Variants in C2CD5 observed in about 807,000 individuals in gnomAD.
C2CD5 encodes the protein C2 domain-containing protein 5.
In C2CD5, 109 loss-of-function variants were observed where a neutral mutation model predicts 130.3. The observed-to-expected ratio is 0.84, with a 90% CI of 0.72 to 0.98. C2CD5 has a LOEUF of 0.98. Among genes scored for constraint, C2CD5 ranks in the 50% least tolerant of loss-of-function variants. The pLI is 0.00. For missense variants in C2CD5, 996 were observed against 1,261.8 expected, an observed-to-expected ratio of 0.79 and a Z score of 3.19; for synonymous variants, 454 against 429.2, an observed-to-expected ratio of 1.06 and a Z score of -0.71.
intron 11 of C2CD5, among the ~76,000 whole-genome samples, chr12:22,492,013 G>C (rs1027343495): frequency 1.3e-5 from 2 of 152,086 alleles, no homozygotes; most frequent in South Asian, 2.1e-4. Flanking sequence ...AACAAGAGTA[G>C]AACCGCTACT....
At chr12:22,456,781 T>A (rs183194684) in intron 25 of C2CD5, among the ~76,000 whole-genome samples, 190 bp downstream of exon 25, 169 of 152,276 alleles carry the variant, frequency 1.1e-3, no homozygotes, top group Non-Finnish European at 2.1e-3. Context: ...ATAAATAGGT[T>A]TAAAACTAAC....
intron 3 of C2CD5, among the ~76,000 whole-genome samples, chr12:22,530,206 GTA>G (rs1240595639): frequency 7.4e-6 from 1 of 135,166 alleles, no homozygotes; most frequent in African/African-American, 2.8e-5. Flanking sequence ...TATATATACA[GTA>G]TATATATAAC....
At chr12:22,485,910 C>CG (rs1256910280) in intron 12 of C2CD5, among the ~76,000 whole-genome samples, 1 of 114,174 alleles carries the variant, frequency 8.8e-6, no homozygotes, top group African/African-American at 2.5e-5. Flanking sequence ...CTACATTCTC[C>CG]AAATTTTTTT....
At position 22,471,396 on chromosome 12, in the gene C2CD5, T is replaced by C. The variant is rs1370240056; in HGVS notation, c.2358+3A>G. 1 of 1,424,796 alleles carries C rather than the reference T, an allele frequency of 7.0e-7. No homozygotes were observed. The highest frequency in any genetic ancestry group is 9.9e-7 in the Non-Finnish European group (1 of 1,010,790). 88.3% of individuals were successfully genotyped at this position (1,424,796 alleles called of 1,614,324 possible). A position where few individuals can be genotyped will look rare whatever the true frequency, so the allele number is the denominator to read the frequency against. ...GACTAATAATGGACTAAATCTTAAT[T>C]ACCTGAATTAATTCATCTTCAGGCA... On this transcript the variant is annotated splice_donor_region_variant and intron_variant, in intron 20 of 26. Coordinates refer to ENST00000446597, the MANE Select transcript of C2CD5 (RefSeq NM_001286176.2).
At chr12:22,512,663 C>G (rs1398162345) in intron 9 of C2CD5, 1 of 1,499,542 alleles carries the variant, frequency 6.7e-7, no homozygotes, top group Non-Finnish European at 8.9e-7. Flanking sequence ...TCTACAGAAC[C>G]TATGAGGCGA....
intron 13 of C2CD5, among the ~76,000 whole-genome samples, chr12:22,484,020 A>C (rs115438950): frequency 9.3e-4 from 141 of 152,260 alleles, no homozygotes; most frequent in African/African-American, 3.2e-3. Flanking sequence ...CTAAGGAGAG[A>C]GCTTTGGGCA....
intron 22 of C2CD5, among the ~76,000 whole-genome samples, chr12:22,469,298 T>A (rs974494368): frequency 2.0e-5 from 3 of 151,994 alleles, no homozygotes; most frequent in Non-Finnish European, 4.4e-5. Context: ...TCTTCATGTA[T>A]CTTCTGGAAA....
chr12:22,543,984 G>A lies in C2CD5; in HGVS notation c.90+77C>T, dbSNP rs566391243. 2,872 of 1,117,124 alleles carry A rather than the reference G, an allele frequency of 2.6e-3. 4 individuals are homozygous for A. The highest frequency in any genetic ancestry group is 3.6e-3 in the Non-Finnish European group (2,667 of 736,032). 69.2% of individuals were successfully genotyped at this position (1,117,124 alleles called of 1,614,324 possible). A position where few individuals can be genotyped will look rare whatever the true frequency, so the allele number is the denominator to read the frequency against. ...CAGTCGAGGGGGGAATAGGCTGAGG[G>A]GCTGGGGGCGAGGTGGGTAGATCCT... On this transcript the variant is annotated intron_variant, in intron 2 of 26. Coordinates refer to ENST00000446597, the MANE Select transcript of C2CD5 (RefSeq NM_001286176.2).
chr12:22,473,256 T>C (rs999423371), intron 16 of C2CD5, among the ~76,000 whole-genome samples: 10 of 152,192 alleles, frequency 6.6e-5, no homozygotes, highest in Admixed American at 5.2e-4. Flanking sequence ...AATTCTATTC[T>C]TCTTACATCA....
At chr12:22,512,883 T>C (rs1015738814) in intron 9 of C2CD5, among the ~76,000 whole-genome samples, 1 of 151,988 alleles carries the variant, frequency 6.6e-6, no homozygotes, top group Non-Finnish European at 1.5e-5. Flanking sequence ...CCTAAGAGAT[T>C]GGTCAATGAT....
rs1224231942 is a variant in C2CD5 at position 22,484,362 on chromosome 12, G to T, written c.1550+335C>A. 8 of 186,568 alleles carry T rather than the reference G, an allele frequency of 4.3e-5. No individual in the cohort carries two copies. The South Asian group carries it at 5.8e-4, about 14-fold the overall frequency. The allele number at this position is 186,568 out of a possible 1,614,324, so 11.6% of individuals were successfully genotyped here. A position where few individuals can be genotyped will look rare whatever the true frequency, so the allele number is the denominator to read the frequency against. ...GGCACTGTTCTTTAAAAGAAAAAAA[G>T]AGAGTCAACTTCTAAAATGTGTTAC... On this transcript the variant is annotated intron_variant, in intron 13 of 26. Coordinates refer to ENST00000446597, the MANE Select transcript of C2CD5 (RefSeq NM_001286176.2).
rs761150628 is a variant in C2CD5 at position 22,513,417 on chromosome 12, CAACTATAGA to C, written c.953-47_953-39del. ...AGTACATAAATAACAACCAAAAAAG[CAACTATAGA>C]AACAAAGTTTAATTGCATTCATCTT... On this transcript the variant is annotated intron_variant, in intron 8 of 26. Transcript: ENST00000446597. The C allele has an allele frequency of 1.8e-4, 232 of 1,323,052 alleles. 1 individual carries two copies. Among genetic ancestry groups the C allele is most frequent in the Non-Finnish European group, 2.4e-4 (219 of 916,220 alleles). 82.0% of individuals were successfully genotyped at this position (1,323,052 alleles called of 1,614,324 possible).
intron 4 of C2CD5, among the ~76,000 whole-genome samples, chr12:22,526,005 G>A (rs1950684483): frequency 1.3e-5 from 2 of 152,178 alleles, no homozygotes; most frequent in Non-Finnish European, 2.9e-5. Context: ...AAGCTATAAT[G>A]TTTGGTTGAT....
chr12:22,483,898 A>G (rs1264208036), intron 13 of C2CD5, among the ~76,000 whole-genome samples: 3 of 152,156 alleles, frequency 2.0e-5, no homozygotes, highest in Non-Finnish European at 4.4e-5. Context: ...GCTTATCAAA[A>G]TGGGGTATGA....
rs1243413333 is a variant in C2CD5 at position 22,513,376 on chromosome 12, A to C, written c.956T>G (p.Met319Arg). Residue 319 changes from methionine to arginine, a missense_variant, in exon 9 of 27, where the codon ATG (methionine) becomes AGG (arginine). By Grantham distance (91) the Met-to-Arg change is moderately conservative. Coordinates refer to ENST00000446597, the MANE Select transcript of C2CD5 (RefSeq NM_001286176.2). ...TTCTTTTCCAGCACTACCACTTCCCATTCCTACAGAACATCAGTACATAAA... is the reference window on the plus strand; with the variant it reads ...TTCTTTTCCAGCACTACCACTTCCCCTTCCTACAGAACATCAGTACATAAA... ...TDLSLTPKTG[M>R]GSGSAGKEGG... 1.2e-6 allele frequency: 2 copies of C among 1,604,252 alleles called. No individual in the cohort carries two copies. Among genetic ancestry groups the C allele is most frequent in the East Asian group, 4.5e-5 (2 of 44,762 alleles).
chr12:22,496,074 C>T (rs560424697), intron 10 of C2CD5, among the ~76,000 whole-genome samples: 8 of 151,952 alleles, frequency 5.3e-5, no homozygotes, highest in Admixed American at 2.0e-4. Flanking sequence ...TTTTTGGCTA[C>T]TAAATTTAGG....
chr12:22,464,080 G>A (rs367899234), intron 22 of C2CD5, among the ~76,000 whole-genome samples: 4 of 152,026 alleles, frequency 2.6e-5, no homozygotes, highest in Admixed American at 2.0e-4. Context: ...GATCTATAAC[G>A]ATACTCAAAT....
intron 10 of C2CD5, among the ~76,000 whole-genome samples, chr12:22,500,661 G>A (rs567854443): frequency 6.6e-6 from 1 of 152,210 alleles, no homozygotes; most frequent in Non-Finnish European, 1.5e-5. Flanking sequence ...CTAGCAAATT[G>A]CGTGGCACAA....
At chr12:22,499,835 T>C (rs1219222429) in intron 10 of C2CD5, among the ~76,000 whole-genome samples, 1 of 152,224 alleles carries the variant, frequency 6.6e-6, no homozygotes, top group Non-Finnish European at 1.5e-5. Context: ...GCATGATAAG[T>C]AAAGGTAACA....
Sources: allele counts gnomAD v4.1 joint callset (sites outside exome capture counted in the v4.1 genomes callset), GRCh38; gene constraint gnomAD v4.1.1; transcripts MANE v1.5; gene names NCBI Gene and HGNC (gene_info 2026-07-23, HGNC 2026-07-21).